Variants in CSMD2 observed in about 807,000 individuals in gnomAD.
CSMD2 encodes CUB and Sushi multiple domains 2.
In CSMD2, 130 loss-of-function variants were observed where a neutral mutation model predicts 398.5. The ratio of observed to expected loss-of-function variants is 0.33; its 90% CI spans 0.28 to 0.38. The LOEUF (loss-of-function observed/expected upper bound fraction) is 0.38. Ranked by LOEUF, CSMD2 falls within the 10% of genes least tolerant of loss-of-function variation. CSMD2 has a pLI of 1.00. For missense variants in CSMD2, 3,829 were observed against 4,764.9 expected (o/e 0.80, Z 5.78); for synonymous variants, 1,828 against 1,908.5 (o/e 0.96, Z 1.10).
At position 34,164,857 on chromosome 1, in the gene CSMD2, G is replaced by T; in HGVS notation, c.187+54C>A. 8.2e-7 allele frequency: 1 copy of T among 1,213,658 alleles called. No homozygotes were observed. Among genetic ancestry groups the T allele is most frequent in the Non-Finnish European group, 1.0e-6 (1 of 975,890 alleles). The allele number at this position is 1,213,658 out of a possible 1,614,324, so 75.2% of individuals were successfully genotyped here. A position where few individuals can be genotyped will look rare whatever the true frequency, so the allele number is the denominator to read the frequency against. ...ACCGGGTCGAGGATGGGTGGGCTCG[G>T]GGCTCGGGTGGGGCGCGCGGCGGCC... On this transcript the variant is annotated intron_variant, in intron 1 of 70. Coordinates refer to ENST00000373381, the MANE Select transcript of CSMD2 (RefSeq NM_001281956.2). This position sits in a 1 kb window ranked among gnomAD's most constrained non-coding sequence, Gnocchi z 6.2.
intron 4 of CSMD2, among the ~76,000 whole-genome samples, chr1:33,919,297 G>C (rs1027595082): frequency 1.4e-4 from 21 of 152,232 alleles, no homozygotes; most frequent in Non-Finnish European, 2.2e-4. Flanking sequence ...GGAGCTCCTT[G>C]TGGTATGGAA....
chr1:33,827,638 T>G (rs1658979673), intron 6 of CSMD2, among the ~76,000 whole-genome samples: 1 of 124,936 alleles, frequency 8.0e-6, no homozygotes, highest in South Asian at 3.3e-4. Context: ...CAATGTAAGC[T>G]CTACAAAGGC....
At chr1:33,831,526 A>C (rs1021828105) in intron 6 of CSMD2, among the ~76,000 whole-genome samples, 1 of 152,124 alleles carries the variant, frequency 6.6e-6, no homozygotes, top group Non-Finnish European at 1.5e-5. Context: ...AAACATGGAA[A>C]GGAACAAATG....
intron 25 of CSMD2, among the ~76,000 whole-genome samples, chr1:33,692,400 A>G (rs1480271646): frequency 1.3e-5 from 2 of 152,248 alleles, no homozygotes; most frequent in African/African-American, 4.8e-5. Context: ...CAGCCTAAAA[A>G]AGGGAAGCAA....
intron 22 of CSMD2, 30 bp downstream of exon 22, chr1:33,709,059 C>A: frequency 6.3e-7 from 1 of 1,580,740 alleles, no homozygotes; most frequent in Non-Finnish European, 8.6e-7. Flanking sequence ...CATACTATAA[C>A]ACACATACTC....
intron 5 of CSMD2, among the ~76,000 whole-genome samples, chr1:33,915,101 G>A (rs1643654323): frequency 6.6e-6 from 1 of 152,064 alleles, no homozygotes; most frequent in Non-Finnish European, 1.5e-5. Context: ...GGGAGGTAGT[G>A]GATTTTTTTT....
chr1:33,766,162 A>G (rs529184435), intron 13 of CSMD2, among the ~76,000 whole-genome samples: 1 of 152,204 alleles, frequency 6.6e-6, no homozygotes, highest in African/African-American at 2.4e-5. Context: ...AAACCCAAGT[A>G]CCCAGTCCTG....
chr1:33,799,473 C>T (rs540981732), intron 10 of CSMD2, among the ~76,000 whole-genome samples: 3 of 152,320 alleles, frequency 2.0e-5, no homozygotes, highest in African/African-American at 7.2e-5. Flanking sequence ...ATTTGGGATG[C>T]TGTGAACACC....
intron 3 of CSMD2, among the ~76,000 whole-genome samples, chr1:33,965,927 G>A (rs904364123): frequency 5.9e-5 from 9 of 152,174 alleles, no homozygotes; most frequent in Admixed American, 2.0e-4. Flanking sequence ...CCTTCTCAGG[G>A]AATCACAGTC....
chr1:33,984,960 A>G (rs1204565506), intron 3 of CSMD2, among the ~76,000 whole-genome samples: 1 of 152,140 alleles, frequency 6.6e-6, no homozygotes, highest in Non-Finnish European at 1.5e-5. Context: ...ATATAAAAGT[A>G]TTGCACAAAT....
intron 10 of CSMD2, among the ~76,000 whole-genome samples, chr1:33,805,511 A>G (rs996756751): frequency 3.3e-5 from 5 of 152,218 alleles, no homozygotes; most frequent in African/African-American, 9.6e-5. Context: ...TAAAAATAAA[A>G]ATAAAAAAAG....
At chr1:33,593,135 AAAGG>A (rs1639587102) in intron 44 of CSMD2, among the ~76,000 whole-genome samples, 1 of 152,196 alleles carries the variant, frequency 6.6e-6, no homozygotes, top group African/African-American at 2.4e-5. Context: ...TCAGCCTTAA[AAAGG>A]AAGGAAACTC....
chr1:33,858,878 G>C (rs748911869), intron 5 of CSMD2, among the ~76,000 whole-genome samples: 1 of 152,236 alleles, frequency 6.6e-6, no homozygotes, highest in Non-Finnish European at 1.5e-5. Context: ...CTGAAAGAAC[G>C]TAAGAGTGAA....
intron 6 of CSMD2, among the ~76,000 whole-genome samples, chr1:33,841,624 A>G (rs1660860179): frequency 6.8e-6 from 1 of 147,860 alleles, no homozygotes; most frequent in Non-Finnish European, 1.5e-5. Flanking sequence ...CACAACCTCA[A>G]TAGGCCTACC....
intron 6 of CSMD2, among the ~76,000 whole-genome samples, chr1:33,831,740 C>T (rs1659592305): frequency 6.6e-6 from 1 of 152,020 alleles, no homozygotes; most frequent in African/African-American, 2.4e-5. Context: ...AGTCAAGACC[C>T]ATCAGTGTGC....
chr1:33,776,846 T>C (rs1395018967), intron 12 of CSMD2, among the ~76,000 whole-genome samples: 2 of 151,658 alleles, frequency 1.3e-5, no homozygotes, highest in East Asian at 3.9e-4. Flanking sequence ...TGGGAAGGGA[T>C]GATGGGCAGG....
chr1:33,669,310 CA>C (rs1216822527), intron 25 of CSMD2, among the ~76,000 whole-genome samples: 2 of 152,168 alleles, frequency 1.3e-5, no homozygotes, highest in African/African-American at 4.8e-5. Context: ...AGAAAGATGG[CA>C]AAAGAGGGAA....
In CSMD2 at chr1:34,163,471, G is replaced by A. The variant is rs1197918871; in HGVS notation, c.187+1440C>T. On this transcript the variant is annotated intron_variant, in intron 1 of 70. Coordinates refer to ENST00000373381, the MANE Select transcript of CSMD2 (RefSeq NM_001281956.2). This position sits in a 1 kb window ranked among gnomAD's most constrained non-coding sequence, Gnocchi z 5.4. ...CTGACCAAGAACCCCAACATGCCGC[G>A]GTTAAGCGGTGGGCGACACGGTCTG... 6.6e-6 allele frequency among the ~76,000 whole-genome samples: 1 copy of A among 152,156 alleles called. No homozygotes were observed. Among genetic ancestry groups the A allele is most frequent in the Non-Finnish European group, 1.5e-5 (1 of 68,028 alleles).
At chr1:34,004,301 G>C (rs1363655746) in intron 3 of CSMD2, among the ~76,000 whole-genome samples, 1 of 152,154 alleles carries the variant, frequency 6.6e-6, no homozygotes, top group African/African-American at 2.4e-5. Context: ...GGATTTCCCT[G>C]GAACTTAAGC....
Sources: gnomAD v4.1 joint callset for allele counts (sites outside exome capture counted in the v4.1 genomes callset) on GRCh38, gnomAD v4.1.1 for gene constraint, Gnocchi (gnomAD v3.1) non-coding constraint, MANE v1.5 for transcripts, NCBI Gene and HGNC (gene_info 2026-07-23, HGNC 2026-07-21) for gene names.